Variants in SYNE1 observed in about 807,000 individuals in gnomAD.
The protein encoded by SYNE1 is spectrin repeat containing nuclear envelope protein 1.
A neutral mutation model predicts 1,111.0 loss-of-function variants in SYNE1; 616 were observed. The ratio of observed to expected loss-of-function variants is 0.55; its 90% CI spans 0.52 to 0.59. The LOEUF is 0.59. Among genes scored for constraint, SYNE1 ranks in the 20% least tolerant of loss-of-function variants. The probability of loss-of-function intolerance (pLI) is 0.00; values close to 1 mark genes in which losing one functional copy is unlikely to be tolerated. For synonymous variants in SYNE1, 3,855 were observed against 3,825.8 expected, an observed-to-expected ratio of 1.01 and a Z score of -0.28; for missense variants, 10,006 against 10,417.0, an observed-to-expected ratio of 0.96 and a Z score of 1.72.
chr6:152,490,323 A>C (rs2098963679), intron 11 of SYNE1, among the ~76,000 whole-genome samples: 1 of 152,118 alleles, frequency 6.6e-6, no homozygotes, highest in Non-Finnish European at 1.5e-5. Flanking sequence ...ATCTAGGAAC[A>C]ACTACACAAA....
chr6:152,367,107 A>T, intron 62 of SYNE1, 111 bp downstream of exon 62: 1 of 1,363,962 alleles, frequency 7.3e-7, no homozygotes, highest in Non-Finnish European at 1.0e-6. Context: ...AAAGCATCTG[A>T]GATTTATCAT....
At chr6:152,258,440 T>C (rs1224367389) in intron 101 of SYNE1, among the ~76,000 whole-genome samples, 1 of 152,064 alleles carries the variant, frequency 6.6e-6, no homozygotes, top group African/African-American at 2.4e-5. Flanking sequence ...ATATATGTAG[T>C]TTTTCAAAAT....
chr6:152,532,687 AC>A (rs1306040128), intron 4 of SYNE1, among the ~76,000 whole-genome samples: 1 of 152,164 alleles, frequency 6.6e-6, no homozygotes, highest in Non-Finnish European at 1.5e-5. Flanking sequence ...CATTCTGTGC[AC>A]CCTTGAAACC....
chr6:152,263,593 C>A (rs530457355), intron 100 of SYNE1, among the ~76,000 whole-genome samples: 14 of 151,508 alleles, frequency 9.2e-5, no homozygotes, highest in Admixed American at 4.6e-4. Flanking sequence ...GAGACAGGGT[C>A]TCACTATGTT....
At chr6:152,153,366 C>T (rs1261320273) in intron 133 of SYNE1, among the ~76,000 whole-genome samples, 1 of 152,160 alleles carries the variant, frequency 6.6e-6, no homozygotes, top group Non-Finnish European at 1.5e-5. Flanking sequence ...CCATCCCAAA[C>T]GTTCATGCGA....
intron 11 of SYNE1, among the ~76,000 whole-genome samples, chr6:152,492,592 C>G (rs2098976811): frequency 6.6e-6 from 1 of 152,240 alleles, no homozygotes; most frequent in African/African-American, 2.4e-5. Flanking sequence ...GACTGTCCAA[C>G]TTGCCTGGAA....
intron 55 of SYNE1, 24 bp downstream of exon 55, chr6:152,385,650 T>TA: frequency 2.5e-6 from 4 of 1,613,032 alleles, no homozygotes; most frequent in Non-Finnish European, 3.4e-6. Flanking sequence ...GCAATGTAGA[T>TA]ATAGCATCTG....
chr6:152,596,581 T>TTTA (rs1174951000), intron 3 of SYNE1, among the ~76,000 whole-genome samples: 6 of 152,192 alleles, frequency 3.9e-5, no homozygotes, highest in Non-Finnish European at 7.3e-5. Flanking sequence ...TTTTAACTTT[T>TTTA]TTATTATTAT....
chr6:152,285,688 T>C (rs2094290450), intron 95 of SYNE1, among the ~76,000 whole-genome samples: 1 of 152,218 alleles, frequency 6.6e-6, no homozygotes, highest in Non-Finnish European at 1.5e-5. Flanking sequence ...ATGGCTCTAT[T>C]CATCCTTTGC....
At chr6:152,297,955 A>C (rs1053647661) in intron 93 of SYNE1, among the ~76,000 whole-genome samples, 5 of 152,224 alleles carry the variant, frequency 3.3e-5, no homozygotes, top group Non-Finnish European at 5.9e-5. Context: ...TTGAATTAAA[A>C]TAAATCACTC....
Position 152,330,828 on chromosome 6 carries a change from T to C in SYNE1, c.13857A>G (p.Leu4619=). ...LEQSPEYENL[L]LTLQRTGQTI... is the part of the protein sequence containing the mutation. ...TCTGCCCAGTTCTCTGCAGCGTAAGTAGAAGATTTTCATATTCTGGAGATT... is the reference window on the plus strand; with the variant it reads ...TCTGCCCAGTTCTCTGCAGCGTAAGCAGAAGATTTTCATATTCTGGAGATT... Residue 4619 remains leucine (L), a synonymous_variant, in exon 78 of 146, where the codon CTA becomes CTG. Transcript: ENST00000367255. 6.2e-7 allele frequency: 1 copy of C among 1,614,044 alleles called. No homozygotes were observed. The highest frequency in any genetic ancestry group is 8.5e-7 in the Non-Finnish European group (1 of 1,180,026).
intron 60 of SYNE1, 93 bp from the exon 61 acceptor site, chr6:152,369,220 C>T (rs2097136556): frequency 5.2e-6 from 8 of 1,535,288 alleles, no homozygotes; most frequent in African/African-American, 2.7e-5. Flanking sequence ...TCAACACTGG[C>T]AGGCAGTCCG....
intron 3 of SYNE1, among the ~76,000 whole-genome samples, chr6:152,542,061 A>C (rs1229579250): frequency 6.6e-6 from 1 of 152,160 alleles, no homozygotes; most frequent in Non-Finnish European, 1.5e-5. Context: ...GCTGTTCACA[A>C]ACTAGTAAAC....
At chr6:152,489,430 T>C (rs1471007685) in intron 11 of SYNE1, among the ~76,000 whole-genome samples, 2 of 150,574 alleles carry the variant, frequency 1.3e-5, no homozygotes, top group African/African-American at 4.9e-5. Flanking sequence ...GGCTTTGCCA[T>C]GCATTAGCTC....
chr6:152,251,005 G>A (rs189746556), intron 104 of SYNE1, among the ~76,000 whole-genome samples: 209 of 152,124 alleles, frequency 1.4e-3, no homozygotes, highest in African/African-American at 4.9e-3. Flanking sequence ...GCTGGAGTGC[G>A]GTGGCGCGAT....
rs187414403 is a variant in SYNE1, at chr6:152,466,436, C to T, written c.1633-358G>A. On this transcript the variant is annotated intron_variant, in intron 16 of 145. Coordinates refer to ENST00000367255, the MANE Select transcript of SYNE1 (RefSeq NM_182961.4). ...AAAGTGTCCCACTGTGTCTCAGCTG[C>T]GGAATTCTGTTGCTCTTTGAACATT... is the stretch of plus-strand genomic sequence containing the variant. Among the ~76,000 whole-genome samples the T allele has an allele frequency of 8.1e-4, 123 of 152,266 alleles. 1 individual carries two copies. Among genetic ancestry groups the T allele is most frequent in the African/African-American group, 2.5e-3 (105 of 41,554 alleles).
intron 12 of SYNE1, among the ~76,000 whole-genome samples, chr6:152,486,369 A>T (rs74679421): frequency 0.01 from 1,567 of 152,336 alleles, 10 homozygotes; most frequent in Middle Eastern, 0.024. Flanking sequence ...TAAAGATGAA[A>T]TGAAATTTTC....
chr6:152,283,865 C>A, intron 96 of SYNE1, 113 bp downstream of exon 96: 2 of 941,424 alleles, frequency 2.1e-6, no homozygotes, highest in Non-Finnish European at 3.4e-6. Flanking sequence ...ACAATCCCAG[C>A]TTAGGAGAGG....
intron 3 of SYNE1, among the ~76,000 whole-genome samples, chr6:152,573,069 A>C (rs1287795744): frequency 6.6e-6 from 1 of 152,164 alleles, no homozygotes; most frequent in East Asian, 1.9e-4. Flanking sequence ...TGAAAAATTA[A>C]AGGTAAAGAA....
Sources: gnomAD v4.1 joint callset for allele counts (sites outside exome capture counted in the v4.1 genomes callset) on GRCh38, gnomAD v4.1.1 for gene constraint, MANE v1.5 for transcripts, NCBI Gene and HGNC (gene_info 2026-07-23, HGNC 2026-07-21) for gene names.